The following FAM168B variants were observed in gnomAD, a reference collection of about 807,000 sequenced individuals.
FAM168B encodes family with sequence similarity 168 member B.
A neutral mutation model predicts 21.8 loss-of-function variants in FAM168B; 19 were observed. The observed-to-expected ratio is 0.87, with a 90% confidence interval of 0.61 to 1.28. FAM168B has a LOEUF of 1.28. FAM168B is among the 50% of genes most tolerant of loss of function. FAM168B has a pLI of 0.00. For synonymous variants in FAM168B, 126 were observed against 104.8 expected (o/e 1.20, Z -1.24); for missense variants, 233 against 263.1 (o/e 0.89, Z 0.79).
intron 1 of FAM168B, among the ~76,000 whole-genome samples, chr2:131,088,987 C>CA (rs1448609603): frequency 1.4e-5 from 2 of 142,232 alleles, no homozygotes; most frequent in Non-Finnish European, 3.0e-5. Flanking sequence ...TTTTTTGAGA[C>CA]AGAGTTTTCA....
At chr2:131,068,434 C>T (rs553063753) in intron 3 of FAM168B, among the ~76,000 whole-genome samples, 1 of 152,260 alleles carries the variant, frequency 6.6e-6, no homozygotes, top group Non-Finnish European at 1.5e-5. Context: ...GCTAGGATTA[C>T]AGGAATGAAA....
At chr2:131,081,885 T>C (rs1693449329) in intron 2 of FAM168B, among the ~76,000 whole-genome samples, 1 of 152,236 alleles carries the variant, frequency 6.6e-6, no homozygotes, top group Non-Finnish European at 1.5e-5. Context: ...TTTCACTTTC[T>C]GAGAGTCTTA....
At chr2:131,089,186 G>A (rs1693878181) in intron 1 of FAM168B, among the ~76,000 whole-genome samples, 1 of 151,870 alleles carries the variant, frequency 6.6e-6, no homozygotes, top group East Asian at 2.0e-4. Context: ...GGTTGGTCTC[G>A]AACTTCCGAC....
intron 1 of FAM168B, among the ~76,000 whole-genome samples, chr2:131,092,108 C>T (rs1461724649): frequency 6.6e-6 from 1 of 150,726 alleles, no homozygotes; most frequent in Non-Finnish European, 1.5e-5. Context: ...GGCGCCACTG[C>T]ACTCCAGTCT....
At chr2:131,084,606 G>A (rs115279177) in intron 1 of FAM168B, among the ~76,000 whole-genome samples, 12 of 151,994 alleles carry the variant, frequency 7.9e-5, no homozygotes, top group Admixed American at 3.9e-4. Flanking sequence ...TATCATCCAT[G>A]GATCTTTCTT....
intron 1 of FAM168B, among the ~76,000 whole-genome samples, chr2:131,087,231 G>A: frequency 6.6e-6 from 1 of 152,092 alleles, no homozygotes; most frequent in East Asian, 1.9e-4. Flanking sequence ...TACTTTTGGA[G>A]GCCAAGGTGG....
At chr2:131,054,061 T>G (rs949873518) in intron 5 of FAM168B, among the ~76,000 whole-genome samples, 11 of 151,486 alleles carry the variant, frequency 7.3e-5, no homozygotes, top group African/African-American at 2.7e-4. Flanking sequence ...AAAAAAATAT[T>G]AGGCAGGCAT....
chr2:131,075,397 G>A (rs1182150201), intron 2 of FAM168B, among the ~76,000 whole-genome samples: 1 of 152,078 alleles, frequency 6.6e-6, no homozygotes, highest in East Asian at 1.9e-4. Flanking sequence ...ATATTCTCAT[G>A]GGAAGAGGGC....
At chr2:131,065,836 A>T (rs1692528394) in intron 3 of FAM168B, among the ~76,000 whole-genome samples, 1 of 151,786 alleles carries the variant, frequency 6.6e-6, no homozygotes, top group Non-Finnish European at 1.5e-5. Context: ...AGAAAGCTCT[A>T]CTGTAAACCA....
In FAM168B at chr2:131,051,377, A is replaced by C; in HGVS notation, c.*1088T>G. On this transcript the variant is annotated 3_prime_UTR_variant, in exon 7 of 7. Coordinates refer to ENST00000389915, the MANE Select transcript of FAM168B (RefSeq NM_001009993.4). ...TTTTGTTCCCTTTTAACTCATTCTT[A>C]AATATACCACTTTCTTCATAACATA... 1 of 985,338 alleles carries C rather than the reference A, an allele frequency of 1.0e-6. No homozygotes were observed. Among genetic ancestry groups the C allele is most frequent in the Middle Eastern group, 5.2e-4 (1 of 1,914 alleles). 61.0% of individuals were successfully genotyped at this position (985,338 alleles called of 1,614,324 possible).
At chr2:131,077,746 A>G (rs1395848774) in intron 2 of FAM168B, among the ~76,000 whole-genome samples, 1 of 152,146 alleles carries the variant, frequency 6.6e-6, no homozygotes, top group Non-Finnish European at 1.5e-5. Flanking sequence ...ATAAAATTGG[A>G]CCTCAGATGA....
Position 131,055,697 on chromosome 2 carries a change from T to C in FAM168B, c.155-2A>G. ...TGTAAGGTGTGCCAGGAGTGTAACC[T>C]GGAACAAAGAAGGCAATGGCCTGAG... On this transcript the variant is annotated splice_acceptor_variant, in intron 3 of 6. Transcript: ENST00000389915. LOFTEE classifies it high-confidence loss of function. 1 of 1,613,386 alleles carries C rather than the reference T, an allele frequency of 6.2e-7. No homozygotes were observed. The highest frequency in any genetic ancestry group is 8.5e-7 in the Non-Finnish European group (1 of 1,179,698).
At position 131,086,921 on chromosome 2, in the gene FAM168B, C is replaced by T. The variant is rs1283106211; in HGVS notation, c.-11-4264G>A. 2.3e-5 allele frequency among the ~76,000 whole-genome samples: 3 copies of T among 129,018 alleles called. 1 individual carries two copies. The highest frequency in any genetic ancestry group is 4.6e-5 in the Non-Finnish European group (3 of 65,074). 84.6% of individuals were successfully genotyped at this position (129,018 alleles called of 152,430 possible). ...TCTACTAAAAATACAAAAAATTAGC[C>T]GGGCGAGGTGGCGGGCGCCTGTAGT... is the stretch of plus-strand genomic sequence containing the variant. On this transcript the variant is annotated intron_variant, in intron 1 of 6. Transcript: ENST00000389915.
At chr2:131,055,873 G>A (rs1432174418) in intron 3 of FAM168B, among the ~76,000 whole-genome samples, 178 bp from the exon 4 acceptor site, 1 of 152,224 alleles carries the variant, frequency 6.6e-6, no homozygotes, top group South Asian at 2.1e-4. Flanking sequence ...TTGTGTACGT[G>A]TGTGCATGCA....
intron 1 of FAM168B, among the ~76,000 whole-genome samples, chr2:131,087,984 C>A (rs962033176): frequency 6.6e-6 from 1 of 152,032 alleles, no homozygotes; most frequent in Non-Finnish European, 1.5e-5. Context: ...AGTGGCTCAT[C>A]CCTGTAATCC....
intron 2 of FAM168B, among the ~76,000 whole-genome samples, chr2:131,075,357 T>C (rs574469639): frequency 2.5e-4 from 38 of 152,086 alleles, no homozygotes; most frequent in African/African-American, 8.4e-4. Flanking sequence ...AAATTCCAAA[T>C]TCCTCATCTC....
Position 131,087,529 on chromosome 2 carries a change from T to A in FAM168B, c.-11-4872A>T, listed in dbSNP as rs1427994987. Among the ~76,000 whole-genome samples the A allele has an allele frequency of 1.4e-4, 22 of 152,188 alleles. 1 individual carries two copies. The highest frequency in any genetic ancestry group is 2.9e-5 in the Non-Finnish European group (2 of 68,038). On this transcript the variant is annotated intron_variant, in intron 1 of 6. Coordinates refer to ENST00000389915, the MANE Select transcript of FAM168B (RefSeq NM_001009993.4). ...CATTTCCAATAAACAATGGATAGGA[T>A]CAAATCAGCCTCAGAAATGAGAACA...
Position 131,048,669 on chromosome 2 carries a change from C to A in FAM168B, c.*3796G>T, listed in dbSNP as rs1350213498. 3.0e-6 allele frequency: 3 copies of A among 993,734 alleles called. No individual in the cohort carries two copies. In the African/African-American group the frequency reaches 5.2e-5, roughly 17 times the overall value. 61.6% of individuals were successfully genotyped at this position (993,734 alleles called of 1,614,324 possible). ...TAAAGCATGTCCTCTGCAGTATACT[C>A]AAGAGTCTGCTGCCCTTCAGAAAGC... On this transcript the variant is annotated 3_prime_UTR_variant, in exon 7 of 7. Coordinates refer to ENST00000389915, the MANE Select transcript of FAM168B (RefSeq NM_001009993.4).
chr2:131,050,655 AAAAG>A lies in FAM168B; in HGVS notation c.*1806_*1809del, dbSNP rs1446942988. 3.0e-6 allele frequency: 3 copies of A among 984,982 alleles called. No individual in the cohort carries two copies. The African/African-American group carries it at 5.2e-5, about 17-fold the overall frequency. 61.0% of individuals were successfully genotyped at this position (984,982 alleles called of 1,614,324 possible). A position where few individuals can be genotyped will look rare whatever the true frequency, so the allele number is the denominator to read the frequency against. ...AAACTTCTTATAAAATAAGATGTGA[AAAAG>A]AAAATTATAAGAAGTACTTACTATA... On this transcript the variant is annotated 3_prime_UTR_variant, in exon 7 of 7. Coordinates refer to ENST00000389915, the MANE Select transcript of FAM168B (RefSeq NM_001009993.4).
Sources: gnomAD v4.1 joint callset for allele counts (sites outside exome capture counted in the v4.1 genomes callset) on GRCh38, gnomAD v4.1.1 for gene constraint, MANE v1.5 for transcripts, NCBI Gene and HGNC (gene_info 2026-07-23, HGNC 2026-07-21) for gene names.